The following UGT1A7 variants were observed in gnomAD, a reference collection of about 807,000 sequenced individuals.
UGT1A7 encodes the protein UDP glucuronosyltransferase family 1 member A7.
UGT1A7 carries 33 observed loss-of-function variants against 45.6 expected under a neutral mutation model. That is an observed-to-expected ratio of 0.72 (90% CI 0.55 to 0.97). UGT1A7 has a LOEUF of 0.97. Among genes scored for constraint, UGT1A7 ranks in the 50% least tolerant of loss-of-function variants. The pLI is 0.00. For synonymous variants in UGT1A7, 274 were observed against 250.6 expected (o/e 1.09, Z -0.88); for missense variants, 684 against 666.2 (o/e 1.03, Z -0.29).
Position 233,768,287 on chromosome 2 carries a change from T to C in UGT1A7, c.1143T>C (p.Asn381=), listed in dbSNP as rs1256701591. ...ATGGTGTTTATGAAAGCATATGCAA[T>C]GGCGTTCCCATGGTGATGATGCCCT... ...GSHGVYESIC[N]GVPMVMMPLF... Residue 381 remains asparagine (N), a synonymous_variant, in exon 4 of 5, where the codon AAT becomes AAC. Coordinates refer to ENST00000373426, the MANE Select transcript of UGT1A7 (RefSeq NM_019077.3). 1 of 1,614,056 alleles carries C rather than the reference T, an allele frequency of 6.2e-7. No homozygotes were observed. Among genetic ancestry groups the C allele is most frequent in the Non-Finnish European group, 8.5e-7 (1 of 1,180,042 alleles).
intron 1 of UGT1A7, among the ~76,000 whole-genome samples, chr2:233,717,603 G>T (rs1270322489): frequency 2.0e-5 from 3 of 152,300 alleles, no homozygotes; most frequent in East Asian, 3.9e-4. Context: ...ATGGAAAGTG[G>T]GCACAGCCCA....
chr2:233,748,074 T>C lies in UGT1A7; in HGVS notation c.856-18960T>C, dbSNP rs1392402990. 2.5e-6 allele frequency: 4 copies of C among 1,613,184 alleles called. No individual in the cohort carries two copies. The East Asian group carries it at 8.9e-5, about 36-fold the overall frequency. On this transcript the variant is annotated intron_variant, in intron 1 of 4. Transcript: ENST00000373426. ...CAACTGTGCCAACAGGAAGCCACTA[T>C]CTCAGGTCGGTGTTCGTGCCTTCAT...
At chr2:233,762,315 G>A (rs565893517) in intron 1 of UGT1A7, among the ~76,000 whole-genome samples, 4 of 152,216 alleles carry the variant, frequency 2.6e-5, no homozygotes, top group Non-Finnish European at 4.4e-5. Flanking sequence ...TTAATGGGTC[G>A]AGAGTAATCC....
chr2:233,730,859 C>T (rs532557812), intron 1 of UGT1A7, among the ~76,000 whole-genome samples: 75 of 152,214 alleles, frequency 4.9e-4, no homozygotes, highest in African/African-American at 1.5e-3. Context: ...CCAAACCCAC[C>T]CTACTGCACT....
chr2:233,772,289 C>T lies in UGT1A7; in HGVS notation c.1323C>T (p.Ser441=). Residue 441 remains serine (S), a synonymous_variant, in exon 5 of 5, where the codon TCC becomes TCT. Coordinates refer to ENST00000373426, the MANE Select transcript of UGT1A7 (RefSeq NM_019077.3). ...ACAAGGAGAACATCATGCGCCTCTC[C>T]AGCCTTCACAAGGACCGCCCGGTGG... is the stretch of plus-strand genomic sequence containing the variant. The part of the protein sequence containing the change: ...KSYKENIMRL[S]SLHKDRPVEP... The T allele has an allele frequency of 6.2e-7, 1 of 1,614,242 alleles. No homozygotes were observed. The highest frequency in any genetic ancestry group is 8.5e-7 in the Non-Finnish European group (1 of 1,180,054).
At chr2:233,693,127 T>A (rs779383196) in intron 1 of UGT1A7, 1 of 1,614,216 alleles carries the variant, frequency 6.2e-7, no homozygotes, top group South Asian at 1.1e-5. Flanking sequence ...ACTGGCTTAG[T>A]ATGAAGGATA....
At position 233,760,380 on chromosome 2, in the gene UGT1A7, G is replaced by C. The variant is rs768058050; in HGVS notation, c.856-6654G>C. 4.3e-6 allele frequency: 7 copies of C among 1,614,074 alleles called. No individual in the cohort carries two copies. The East Asian group carries it at 1.6e-4, about 36-fold the overall frequency. ...TGGTGTCCCATGCTGGGAAGATACT[G>C]TTGATCCCAGTGGATGGCAGCCACT... On this transcript the variant is annotated intron_variant, in intron 1 of 4. Transcript: ENST00000373426.
At chr2:233,721,187 A>G (rs1363550880) in intron 1 of UGT1A7, among the ~76,000 whole-genome samples, 3 of 152,172 alleles carry the variant, frequency 2.0e-5, no homozygotes, top group Admixed American at 1.3e-4. Flanking sequence ...AAACCACAAG[A>G]TATTTGTTCT....
chr2:233,717,019 C>T (rs565921927), intron 1 of UGT1A7, among the ~76,000 whole-genome samples: 3 of 152,276 alleles, frequency 2.0e-5, no homozygotes, highest in South Asian at 2.1e-4. Context: ...CTGAAGGCAC[C>T]ACCATCTTCC....
intron 1 of UGT1A7, among the ~76,000 whole-genome samples, chr2:233,706,103 A>AC (rs954125060): frequency 2.0e-5 from 3 of 152,178 alleles, no homozygotes; most frequent in South Asian, 4.2e-4. Flanking sequence ...TTAAAAAAAA[A>AC]CCAAGAATTT....
chr2:233,703,328 T>C (rs937149928), intron 1 of UGT1A7, among the ~76,000 whole-genome samples: 4 of 152,052 alleles, frequency 2.6e-5, no homozygotes, highest in African/African-American at 9.7e-5. Flanking sequence ...CAATTTTGAG[T>C]CTTCTCTCTT....
In UGT1A7 at chr2:233,690,700, G is replaced by A. The variant is rs552015740; in HGVS notation, c.855+7908G>A. The A allele has an allele frequency of 1.2e-4, 152 of 1,232,616 alleles. 2 individuals are homozygous for A. The Admixed American group carries it at 4.7e-3, about 38-fold the overall frequency. 76.4% of individuals were successfully genotyped at this position (1,232,616 alleles called of 1,614,324 possible). On this transcript the variant is annotated intron_variant, in intron 1 of 4. Coordinates refer to ENST00000373426, the MANE Select transcript of UGT1A7 (RefSeq NM_019077.3). ...GGTCTCCAGCGGAGCTACTCTTTAG[G>A]GATCGTCATTATGACGAACAGACAT...
rs7577789 is a variant in UGT1A7 at position 233,682,105 on chromosome 2, C to G, written c.168C>G (p.Val56=). Residue 56 remains valine (V), a synonymous_variant, in exon 1 of 5, where the codon GTC becomes GTG. Transcript: ENST00000373426. ...EKLILRGHEV[V]VVMPEVSWQL... ...TCATCCTCAGGGGGCATGAGGTGGT[C>G]GTAGTCATGCCAGAGGTGAGTTGGC... The G allele has an allele frequency of 6.2e-7, 1 of 1,613,960 alleles. No homozygotes were observed. The highest frequency in any genetic ancestry group is 8.5e-7 in the Non-Finnish European group (1 of 1,180,014).
intron 1 of UGT1A7, among the ~76,000 whole-genome samples, chr2:233,701,757 C>T (rs1242415662): frequency 1.3e-5 from 2 of 152,062 alleles, no homozygotes; most frequent in African/African-American, 4.8e-5. Flanking sequence ...GGGTACATAA[C>T]GAAATGAAGG....
In UGT1A7 at chr2:233,731,246, C is replaced by T. The variant is rs139669566; in HGVS notation, c.856-35788C>T. Among the ~76,000 whole-genome samples, 684 of 150,450 alleles carry T rather than the reference C, an allele frequency of 4.5e-3. 5 individuals carry two copies. The highest frequency in any genetic ancestry group is 0.016 in the African/African-American group (645 of 41,062). On this transcript the variant is annotated intron_variant, in intron 1 of 4. Coordinates refer to ENST00000373426, the MANE Select transcript of UGT1A7 (RefSeq NM_019077.3). ...GTAAAAATGTTGAAAAGTGGGATGG[C>T]ATTTAAATAGTGACTGTTGCCCTTC... is the stretch of plus-strand genomic sequence containing the variant.
chr2:233,746,316 G>C (rs1048806578), intron 1 of UGT1A7, among the ~76,000 whole-genome samples: 1 of 151,828 alleles, frequency 6.6e-6, no homozygotes, highest in African/African-American at 2.4e-5. Flanking sequence ...GGGCCCTGTA[G>C]ATGATCTACA....
At chr2:233,772,231 C>G (rs2126066106) in intron 4 of UGT1A7, 31 bp from the exon 5 acceptor site, 1 of 1,613,718 alleles carries the variant, frequency 6.2e-7, no homozygotes, top group Non-Finnish European at 8.5e-7. Context: ...CACAGGTGTT[C>G]CAGGCATAAC....
intron 1 of UGT1A7, among the ~76,000 whole-genome samples, chr2:233,684,710 T>C (rs999519282): frequency 2.5e-4 from 38 of 152,122 alleles, no homozygotes; most frequent in African/African-American, 8.9e-4. Context: ...TATGTATTAA[T>C]GTATATATTT....
intron 1 of UGT1A7, among the ~76,000 whole-genome samples, chr2:233,750,994 C>T (rs1482728432): frequency 6.6e-6 from 1 of 151,790 alleles, no homozygotes; most frequent in Non-Finnish European, 1.5e-5. Context: ...AGGCGGCCAC[C>T]ATCCTCCAGA....
Sources: allele counts gnomAD v4.1 joint callset (sites outside exome capture counted in the v4.1 genomes callset), GRCh38; gene constraint gnomAD v4.1.1; transcripts MANE v1.5; gene names NCBI Gene and HGNC (gene_info 2026-07-23, HGNC 2026-07-21).